Variants in HLA-DMA observed in about 807,000 individuals in gnomAD.
HLA-DMA encodes HLA class II histocompatibility antigen, DM alpha chain.
In HLA-DMA, 20 loss-of-function variants were observed where a neutral mutation model predicts 27.3. The ratio of observed to expected loss-of-function variants is 0.73; its 90% CI spans 0.52 to 1.07. The LOEUF is 1.07. Ranked by LOEUF, HLA-DMA falls within the 50% of genes least tolerant of loss-of-function variation. The probability of loss-of-function intolerance (pLI) is 0.00; values close to 1 mark genes in which losing one functional copy is unlikely to be tolerated. For missense variants in HLA-DMA, 241 were observed against 321.7 expected (o/e 0.75, Z 1.92); for synonymous variants, 111 against 126.8 (o/e 0.88, Z 0.83).
At chr6:32,951,301 C>G (rs367797543) in intron 1 of HLA-DMA, among the ~76,000 whole-genome samples, 1 of 152,066 alleles carries the variant, frequency 6.6e-6, no homozygotes, top group Non-Finnish European at 1.5e-5. Flanking sequence ...TATAAAAAGG[C>G]CAGTTGGCAA....
chr6:32,949,491 T>G lies in HLA-DMA; in HGVS notation c.653-92A>C. 6.3e-7 allele frequency: 1 copy of G among 1,598,254 alleles called. No homozygotes were observed. ...GGGTGTCTGGGATGACATGGGAGAC[T>G]GGGATGGGCTTAGGGTAGGAATGGA... On this transcript the variant is annotated intron_variant, in intron 3 of 4. Transcript: ENST00000374843. This position sits in a 1 kb window ranked among gnomAD's most constrained non-coding sequence, Gnocchi z 5.8.
At chr6:32,952,466 A>C (rs1776946693) in intron 1 of HLA-DMA, 1 of 469,990 alleles carries the variant, frequency 2.1e-6, no homozygotes, top group Admixed American at 2.4e-5. Flanking sequence ...GGAAACCTTT[A>C]ACCCAATACC....
Position 32,949,963 on chromosome 6 carries a change from G to A in HLA-DMA, c.374-74C>T, listed in dbSNP as rs935809667. 3 of 1,424,880 alleles carry A rather than the reference G, an allele frequency of 2.1e-6. No homozygotes were observed. The highest frequency in any genetic ancestry group is 3.6e-5 in the Admixed American group (2 of 56,084). The allele number at this position is 1,424,880 out of a possible 1,614,324, so 88.3% of individuals were successfully genotyped here. A position where few individuals can be genotyped will look rare whatever the true frequency, so the allele number is the denominator to read the frequency against. On this transcript the variant is annotated intron_variant, in intron 2 of 4. Transcript: ENST00000374843. The surrounding 1 kb of genome is among the most constrained non-coding windows in gnomAD (Gnocchi z 5.8). Reference sequence around the variant, plus strand: ...GTATCTCTGTGTTTGGAGGGGCCATGGCATATGGAGGGGAGGGCAGAGAAG... The same window carrying A: ...GTATCTCTGTGTTTGGAGGGGCCATAGCATATGGAGGGGAGGGCAGAGAAG...
chr6:32,950,169 A>T lies in HLA-DMA; in HGVS notation c.374-280T>A. The T allele has an allele frequency of 1.7e-6, 1 of 594,220 alleles. No individual in the cohort carries two copies. Among genetic ancestry groups the T allele is most frequent in the Non-Finnish European group, 3.0e-6 (1 of 335,192 alleles). The allele number at this position is 594,220 out of a possible 1,614,324, so 36.8% of individuals were successfully genotyped here. A position where few individuals can be genotyped will look rare whatever the true frequency, so the allele number is the denominator to read the frequency against. ...TGTCTAGAGCTCACATTGATGTCTA[A>T]CCATGCACTGTCTTCTCACTAAGAC... is the stretch of plus-strand genomic sequence containing the variant. On this transcript the variant is annotated intron_variant, in intron 2 of 4. Coordinates refer to ENST00000374843, the MANE Select transcript of HLA-DMA (RefSeq NM_006120.4). This position sits in a 1 kb window ranked among gnomAD's most constrained non-coding sequence, Gnocchi z 5.0.
chr6:32,950,489 C>A lies in HLA-DMA; in HGVS notation c.373+30G>T. 1 of 1,611,184 alleles carries A rather than the reference C, an allele frequency of 6.2e-7. No individual in the cohort carries two copies. Among genetic ancestry groups the A allele is most frequent in the Non-Finnish European group, 8.5e-7 (1 of 1,178,588 alleles). On this transcript the variant is annotated intron_variant, in intron 2 of 4. Coordinates refer to ENST00000374843, the MANE Select transcript of HLA-DMA (RefSeq NM_006120.4). This position sits in a 1 kb window ranked among gnomAD's most constrained non-coding sequence, Gnocchi z 5.0. The stretch of plus-strand genomic sequence containing the variant: ...AGATCAATGAGGTTAATGCAGCCCT[C>A]CTCCCTTCACTCCCCAGAAAACTCC...
rs1776840783 is a variant in HLA-DMA at position 32,950,358 on chromosome 6, A to G, written c.373+161T>C. Reference sequence around the variant, plus strand: ...ATGCTAGGTACTTCGGCCCACCAAAAGAACACAGGGTGCAGACCAAGGCTG... The same window carrying G: ...ATGCTAGGTACTTCGGCCCACCAAAGGAACACAGGGTGCAGACCAAGGCTG... On this transcript the variant is annotated intron_variant, in intron 2 of 4. Transcript: ENST00000374843. This position sits in a 1 kb window ranked among gnomAD's most constrained non-coding sequence, Gnocchi z 5.0. 3 of 870,128 alleles carry G rather than the reference A, an allele frequency of 3.4e-6. No individual in the cohort carries two copies. Among genetic ancestry groups the G allele is most frequent in the East Asian group, 4.9e-5 (2 of 41,178 alleles). 53.9% of individuals were successfully genotyped at this position (870,128 alleles called of 1,614,324 possible).
Position 32,949,865 on chromosome 6 carries a change from G to A in HLA-DMA, c.398C>T (p.Thr133Met), listed in dbSNP as rs1348711550. ...SRGFPIAEVF[T>M]LKPLEFGKPN... ...CTTGCCAAACTCCAGGGGCTTCAGCGTGAACACTTCAGCGATAGGAAACCC... is the reference window on the plus strand; with the variant it reads ...CTTGCCAAACTCCAGGGGCTTCAGCATGAACACTTCAGCGATAGGAAACCC... The change falls in exon 3 of 5, where the codon ACG becomes ATG. Residue 133 changes from threonine to methionine, a missense_variant. By Grantham distance (81) the Thr-to-Met change is moderately conservative. Transcript: ENST00000374843. The surrounding 1 kb of genome is among the most constrained non-coding windows in gnomAD (Gnocchi z 5.8). 3.1e-6 allele frequency: 5 copies of A among 1,612,880 alleles called. No homozygotes were observed. The highest frequency in any genetic ancestry group is 1.7e-5 in the Admixed American group (1 of 59,996).
In HLA-DMA at chr6:32,950,447, G is replaced by A; in HGVS notation, c.373+72C>T. The A allele has an allele frequency of 4.0e-6, 6 of 1,499,270 alleles. No individual in the cohort carries two copies. Among genetic ancestry groups the A allele is most frequent in the Non-Finnish European group, 5.5e-6 (6 of 1,091,822 alleles). The allele number at this position is 1,499,270 out of a possible 1,614,324, so 92.9% of individuals were successfully genotyped here. ...TTGAGATGGGGAGCTGGTATCAAGG[G>A]GAATTATTCAGTGTACAGATCAATG... On this transcript the variant is annotated intron_variant, in intron 2 of 4. Coordinates refer to ENST00000374843, the MANE Select transcript of HLA-DMA (RefSeq NM_006120.4). The surrounding 1 kb of genome is among the most constrained non-coding windows in gnomAD (Gnocchi z 5.0).
rs140886340 is a variant in HLA-DMA, at chr6:32,949,443, C to G, written c.653-44G>C. ...TCAGCCTGGGGACCTAGTTAGGGAG[C>G]CTCCCACCCAGGGAAATGACGTGGG... is the stretch of plus-strand genomic sequence containing the variant. On this transcript the variant is annotated intron_variant, in intron 3 of 4. Coordinates refer to ENST00000374843, the MANE Select transcript of HLA-DMA (RefSeq NM_006120.4). This position sits in a 1 kb window ranked among gnomAD's most constrained non-coding sequence, Gnocchi z 5.8. 25 of 1,611,268 alleles carry G rather than the reference C, an allele frequency of 1.6e-5. No individual in the cohort carries two copies. In the African/African-American group the frequency reaches 2.1e-4, roughly 14 times the overall value.
At position 32,950,583 on chromosome 6, in the gene HLA-DMA, C is replaced by A; in HGVS notation, c.309G>T (p.Glu103Asp). Residue 103 changes from glutamate to aspartate, a missense_variant, in exon 2 of 5, where the codon GAG becomes GAT. Transcript: ENST00000374843. The surrounding 1 kb of genome is among the most constrained non-coding windows in gnomAD (Gnocchi z 5.0). The part of the protein sequence containing the change: ...GDAPAILFDK[E>D]FCEWMIQQIG... ...TTTGCTGGATCATCCACTCGCAGAA[C>A]TCTTTGTCAAATAAAATGGCAGGAG... is the stretch of plus-strand genomic sequence containing the variant. The A allele has an allele frequency of 6.2e-7, 1 of 1,613,066 alleles. No individual in the cohort carries two copies. Among genetic ancestry groups the A allele is most frequent in the Admixed American group, 1.7e-5 (1 of 60,032 alleles).
chr6:32,951,790 G>A (rs1216984674), intron 1 of HLA-DMA, among the ~76,000 whole-genome samples: 8 of 151,698 alleles, frequency 5.3e-5, no homozygotes, highest in African/African-American at 9.7e-5. Flanking sequence ...TCAGCTGGGT[G>A]TGGTGGCATG....
At position 32,950,486 on chromosome 6, in the gene HLA-DMA, C is replaced by T; in HGVS notation, c.373+33G>A. The T allele has an allele frequency of 6.2e-7, 1 of 1,609,964 alleles. No homozygotes were observed. The highest frequency in any genetic ancestry group is 8.5e-7 in the Non-Finnish European group (1 of 1,177,602). ...TACAGATCAATGAGGTTAATGCAGC[C>T]CTCCTCCCTTCACTCCCCAGAAAAC... On this transcript the variant is annotated intron_variant, in intron 2 of 4. Coordinates refer to ENST00000374843, the MANE Select transcript of HLA-DMA (RefSeq NM_006120.4). This position sits in a 1 kb window ranked among gnomAD's most constrained non-coding sequence, Gnocchi z 5.0.
chr6:32,949,985 G>A lies in HLA-DMA; in HGVS notation c.374-96C>T. On this transcript the variant is annotated intron_variant, in intron 2 of 4. Coordinates refer to ENST00000374843, the MANE Select transcript of HLA-DMA (RefSeq NM_006120.4). The surrounding 1 kb of genome is among the most constrained non-coding windows in gnomAD (Gnocchi z 5.8). Reference sequence around the variant, plus strand: ...CATGGCATATGGAGGGGAGGGCAGAGAAGAACACAGTGGGTCAGGCTTTGG... The same window carrying A: ...CATGGCATATGGAGGGGAGGGCAGAAAAGAACACAGTGGGTCAGGCTTTGG... 1 of 1,199,220 alleles carries A rather than the reference G, an allele frequency of 8.3e-7. No homozygotes were observed. Among genetic ancestry groups the A allele is most frequent in the Non-Finnish European group, 1.2e-6 (1 of 839,374 alleles). 74.3% of individuals were successfully genotyped at this position (1,199,220 alleles called of 1,614,324 possible).
chr6:32,951,747 G>A (rs150358), intron 1 of HLA-DMA, among the ~76,000 whole-genome samples: 46,011 of 151,560 alleles, frequency 0.3, 7,435 homozygotes, highest in East Asian at 0.34. Context: ...TGGCAAACAT[G>A]ATGAAACCCC....
chr6:32,950,499 C>T lies in HLA-DMA; in HGVS notation c.373+20G>A. 1 of 1,612,418 alleles carries T rather than the reference C, an allele frequency of 6.2e-7. No homozygotes were observed. Among genetic ancestry groups the T allele is most frequent in the Non-Finnish European group, 8.5e-7 (1 of 1,179,522 alleles). On this transcript the variant is annotated intron_variant, in intron 2 of 4. Coordinates refer to ENST00000374843, the MANE Select transcript of HLA-DMA (RefSeq NM_006120.4). This position sits in a 1 kb window ranked among gnomAD's most constrained non-coding sequence, Gnocchi z 5.0. ...GGTTAATGCAGCCCTCCTCCCTTCA[C>T]TCCCCAGAAAACTCCTGACCTCTGG...
At position 32,948,646 on chromosome 6, in the gene HLA-DMA, G is replaced by T. The variant is rs1263625749; in HGVS notation, c.*218C>A. On this transcript the variant is annotated 3_prime_UTR_variant, in exon 5 of 5. Coordinates refer to ENST00000374843, the MANE Select transcript of HLA-DMA (RefSeq NM_006120.4). ...AGAAATGAGATTTATTGCCTTGTGG[G>T]GGGAAGGGATGTGGTTGTGATAGGC... The T allele has an allele frequency of 1.6e-6, 1 of 612,094 alleles. No homozygotes were observed. Among genetic ancestry groups the T allele is most frequent in the East Asian group, 2.8e-5 (1 of 35,704 alleles). The allele number at this position is 612,094 out of a possible 1,614,324, so 37.9% of individuals were successfully genotyped here. A position where few individuals can be genotyped will look rare whatever the true frequency, so the allele number is the denominator to read the frequency against.
chr6:32,949,540 A>G lies in HLA-DMA; in HGVS notation c.652+71T>C. Reference sequence around the variant, plus strand: ...GACTAAACAAGGTACCAGTGGAGAAAGAAGCCTCCTCCCATGGATCTATCC... The same window carrying G: ...GACTAAACAAGGTACCAGTGGAGAAGGAAGCCTCCTCCCATGGATCTATCC... On this transcript the variant is annotated intron_variant, in intron 3 of 4. Transcript: ENST00000374843. This position sits in a 1 kb window ranked among gnomAD's most constrained non-coding sequence, Gnocchi z 5.8. The G allele has an allele frequency of 6.3e-7, 1 of 1,594,788 alleles. No individual in the cohort carries two copies. Among genetic ancestry groups the G allele is most frequent in the South Asian group, 1.1e-5 (1 of 89,892 alleles).
At position 32,949,578 on chromosome 6, in the gene HLA-DMA, A is replaced by C. The variant is rs767819454; in HGVS notation, c.652+33T>G. ...CATGGATCTATCCCTTTTTGCCCCC[A>C]AAAGGACCAGAATTCCAGGGAGAAA... On this transcript the variant is annotated intron_variant, in intron 3 of 4. Coordinates refer to ENST00000374843, the MANE Select transcript of HLA-DMA (RefSeq NM_006120.4). The surrounding 1 kb of genome is among the most constrained non-coding windows in gnomAD (Gnocchi z 5.8). 3.7e-6 allele frequency: 6 copies of C among 1,609,720 alleles called. No individual in the cohort carries two copies. In the South Asian group the frequency reaches 4.4e-5, roughly 12 times the overall value.
intron 1 of HLA-DMA, among the ~76,000 whole-genome samples, chr6:32,951,825 A>T (rs539805775): frequency 6.6e-6 from 1 of 152,132 alleles, no homozygotes; most frequent in Non-Finnish European, 1.5e-5. Context: ...GCTACTTGGG[A>T]GGCTGAGGCA....
Sources: gnomAD v4.1 joint callset for allele counts (sites outside exome capture counted in the v4.1 genomes callset) on GRCh38, gnomAD v4.1.1 for gene constraint, Gnocchi (gnomAD v3.1) non-coding constraint, MANE v1.5 for transcripts, NCBI Gene and HGNC (gene_info 2026-07-23, HGNC 2026-07-21) for gene names.